The following SGCD variants were observed in gnomAD, a reference collection of about 807,000 sequenced individuals.
The protein encoded by SGCD is delta-sarcoglycan.
In SGCD, 18 loss-of-function variants were observed where a neutral mutation model predicts 36.6. The observed-to-expected ratio is 0.49, with a 90% CI of 0.34 to 0.73. The LOEUF (loss-of-function observed/expected upper bound fraction) is 0.73, where lower values mean the gene tolerates loss of function less well. SGCD is among the 30% of genes least tolerant of loss of function. The pLI, the probability that SGCD is intolerant of heterozygous loss-of-function variation, is 0.01. For synonymous variants in SGCD, 133 were observed against 130.6 expected, an observed-to-expected ratio of 1.02 and a Z score of -0.12; for missense variants, 387 against 346.7, an observed-to-expected ratio of 1.12 and a Z score of -0.92.
At chr5:156,150,563 G>A (rs933413334) in intron 3 of SGCD, among the ~76,000 whole-genome samples, 1 of 151,662 alleles carries the variant, frequency 6.6e-6, no homozygotes, top group Non-Finnish European at 1.5e-5. Context: ...CATGCATGTA[G>A]TATAGAGCTT....
intron 3 of SGCD, among the ~76,000 whole-genome samples, chr5:156,308,157 C>T (rs556680252): frequency 1.3e-5 from 2 of 152,006 alleles, no homozygotes; most frequent in Admixed American, 1.3e-4. Flanking sequence ...TAATTCAAAA[C>T]GAAAAGAGGT....
At chr5:155,861,302 A>G in the SGCD span, among the ~76,000 whole-genome samples, 1 of 152,164 alleles carries the variant, frequency 6.6e-6, no homozygotes, top group Non-Finnish European at 1.5e-5. Flanking sequence ...ATGATGTTTC[A>G]CTATATTATT....
chr5:156,145,095 G>C (rs2127612268), intron 3 of SGCD, among the ~76,000 whole-genome samples: 1 of 152,288 alleles, frequency 6.6e-6, no homozygotes, highest in South Asian at 2.1e-4. Context: ...CCCAGTGTTG[G>C]AGGTGGGGCC....
chr5:156,170,847 G>T (rs1455063767), intron 3 of SGCD, among the ~76,000 whole-genome samples: 1 of 152,182 alleles, frequency 6.6e-6, no homozygotes, highest in African/African-American at 2.4e-5. Context: ...TGCAAGAGAA[G>T]AAATTGCTGC....
At chr5:155,969,139 T>A (rs1359231301) in intron 1 of SGCD, among the ~76,000 whole-genome samples, 1 of 152,178 alleles carries the variant, frequency 6.6e-6, no homozygotes, top group Non-Finnish European at 1.5e-5. Flanking sequence ...GTATGTCTCC[T>A]TATGCCTGTA....
At chr5:156,207,627 C>T (rs1360150357) in intron 3 of SGCD, among the ~76,000 whole-genome samples, 2 of 151,980 alleles carry the variant, frequency 1.3e-5, no homozygotes, top group East Asian at 1.9e-4. Flanking sequence ...TGGCAAAAAC[C>T]GCAATTACTT....
At chr5:156,436,712 T>C (rs1753262120) in intron 3 of SGCD, among the ~76,000 whole-genome samples, 1 of 152,178 alleles carries the variant, frequency 6.6e-6, no homozygotes. Context: ...ATTTACCCTG[T>C]GAAGAAGCAA....
intron 1 of SGCD, among the ~76,000 whole-genome samples, chr5:156,068,186 T>A (rs1760394833): frequency 6.6e-6 from 1 of 152,074 alleles, no homozygotes; most frequent in Admixed American, 6.6e-5. Context: ...GTTAGTTACA[T>A]ATGTATACAT....
At chr5:156,718,504 G>C (rs1161093614) in intron 7 of SGCD, among the ~76,000 whole-genome samples, 1 of 152,072 alleles carries the variant, frequency 6.6e-6, no homozygotes, top group African/African-American at 2.4e-5. Flanking sequence ...AATAGGCCAG[G>C]CTCAGTGGCT....
chr5:155,773,512 A>T, the SGCD span, among the ~76,000 whole-genome samples: 2 of 152,126 alleles, frequency 1.3e-5, no homozygotes, highest in South Asian at 4.1e-4. Flanking sequence ...TTCTTTAAAA[A>T]TACCTGTGAT....
At chr5:156,673,820 A>G (rs1753401390) in intron 7 of SGCD, among the ~76,000 whole-genome samples, 1 of 152,234 alleles carries the variant, frequency 6.6e-6, no homozygotes, top group East Asian at 1.9e-4. Flanking sequence ...AGTGCAGATG[A>G]CATTCTTCAG....
At chr5:156,423,267 A>C (rs1456492585) in intron 3 of SGCD, among the ~76,000 whole-genome samples, 1 of 121,398 alleles carries the variant, frequency 8.2e-6, no homozygotes, top group Non-Finnish European at 1.6e-5. Flanking sequence ...TTTTATTATA[A>C]TATAACATTA....
At chr5:156,515,850 G>A (rs938425431) in intron 4 of SGCD, among the ~76,000 whole-genome samples, 1 of 152,232 alleles carries the variant, frequency 6.6e-6, no homozygotes, top group African/African-American at 2.4e-5. Context: ...CTGGAGACTA[G>A]GTGGTTTGGA....
At chr5:156,255,770 G>A (rs1040855403) in intron 3 of SGCD, among the ~76,000 whole-genome samples, 1 of 152,040 alleles carries the variant, frequency 6.6e-6, no homozygotes, top group Non-Finnish European at 1.5e-5. Flanking sequence ...CACCAGAGGT[G>A]TGTTTATTTT....
At chr5:155,788,277 G>T in the SGCD span, among the ~76,000 whole-genome samples, 1 of 152,052 alleles carries the variant, frequency 6.6e-6, no homozygotes, top group Non-Finnish European at 1.5e-5. Context: ...TTTACTGTTA[G>T]TTCCTTTTCC....
intron 3 of SGCD, among the ~76,000 whole-genome samples, chr5:156,269,305 T>C (rs540344123): frequency 6.6e-6 from 1 of 151,092 alleles, no homozygotes; most frequent in Non-Finnish European, 1.5e-5. Context: ...CTGTCTCTAC[T>C]AAAAATACAA....
At chr5:156,436,733 G>C (rs967548200) in intron 3 of SGCD, among the ~76,000 whole-genome samples, 2 of 152,162 alleles carry the variant, frequency 1.3e-5, no homozygotes, top group Non-Finnish European at 2.9e-5. Flanking sequence ...AGGTATTCTT[G>C]CTCTGGTACC....
intron 1 of SGCD, among the ~76,000 whole-genome samples, chr5:155,990,341 T>C (rs1581030276): frequency 6.6e-6 from 1 of 152,158 alleles, no homozygotes; most frequent in South Asian, 2.1e-4. Context: ...TTTCTGAATA[T>C]GACATATAAA....
chr5:155,831,251 C>T, the SGCD span, among the ~76,000 whole-genome samples: 4 of 152,274 alleles, frequency 2.6e-5, no homozygotes, highest in Middle Eastern at 3.4e-3. Context: ...CCTGCTCTTG[C>T]GGTTTTGATT....
Sources: gnomAD v4.1 joint callset for allele counts (sites outside exome capture counted in the v4.1 genomes callset) on GRCh38, gnomAD v4.1.1 for gene constraint, MANE v1.5 for transcripts, NCBI Gene and HGNC (gene_info 2026-07-23, HGNC 2026-07-21) for gene names.